Variants in CACNA1I observed in about 807,000 individuals in gnomAD.
The protein encoded by CACNA1I is calcium voltage-gated channel subunit alpha1 I.
In CACNA1I, 74 loss-of-function variants were observed where a neutral mutation model predicts 201.6. The observed-to-expected ratio is 0.37, with a 90% CI of 0.30 to 0.45. The LOEUF (loss-of-function observed/expected upper bound fraction) is 0.45. CACNA1I is among the 20% of genes least tolerant of loss of function. The probability of loss-of-function intolerance (pLI) is 1.00; values close to 1 mark genes in which losing one functional copy is unlikely to be tolerated. For missense variants in CACNA1I, 2,346 were observed against 3,138.1 expected, an observed-to-expected ratio of 0.75 and a Z score of 6.03; for synonymous variants, 1,431 against 1,345.2, an observed-to-expected ratio of 1.06 and a Z score of -1.40.
chr22:39,619,040 C>T (rs374064361), intron 3 of CACNA1I, among the ~76,000 whole-genome samples: 8 of 152,296 alleles, frequency 5.3e-5, no homozygotes, highest in African/African-American at 9.6e-5. Flanking sequence ...CCTGGCACAG[C>T]GCTGGGCACA....
chr22:39,580,988 C>T (rs1932529083), intron 1 of CACNA1I, among the ~76,000 whole-genome samples: 1 of 152,188 alleles, frequency 6.6e-6, no homozygotes, highest in Non-Finnish European at 1.5e-5. Flanking sequence ...GGCCTGGGCA[C>T]CCGGTGGTGA....
chr22:39,621,915 G>T (rs1933755424), intron 4 of CACNA1I, among the ~76,000 whole-genome samples: 1 of 152,140 alleles, frequency 6.6e-6, no homozygotes, highest in African/African-American at 2.4e-5. Context: ...ATCCCAGAGG[G>T]CTCCTTGAAG....
intron 29 of CACNA1I, 127 bp downstream of exon 29, chr22:39,674,160 G>A: frequency 2.4e-6 from 2 of 850,314 alleles, no homozygotes; most frequent in Non-Finnish European, 3.7e-6. Flanking sequence ...TGTCTCTGGG[G>A]ATGCATTTTG....
At chr22:39,585,132 T>C (rs1932699263) in intron 1 of CACNA1I, among the ~76,000 whole-genome samples, 1 of 152,228 alleles carries the variant, frequency 6.6e-6, no homozygotes, top group African/African-American at 2.4e-5. Flanking sequence ...CAATCTCGGC[T>C]CACCGCAACC....
At chr22:39,618,358 TGTG>T (rs1569064455) in intron 3 of CACNA1I, among the ~76,000 whole-genome samples, 1 of 151,084 alleles carries the variant, frequency 6.6e-6, no homozygotes. Context: ...GGTGTGTGGT[TGTG>T]TGCGTGTGTG....
At chr22:39,580,380 A>G (rs1932508446) in intron 1 of CACNA1I, among the ~76,000 whole-genome samples, 1 of 152,202 alleles carries the variant, frequency 6.6e-6, no homozygotes, top group African/African-American at 2.4e-5. Flanking sequence ...TTCACTGACC[A>G]GCAGGGTGGG....
At chr22:39,615,730 C>T (rs577349053) in intron 3 of CACNA1I, among the ~76,000 whole-genome samples, 28 of 152,306 alleles carry the variant, frequency 1.8e-4, no homozygotes, top group African/African-American at 6.5e-4. Flanking sequence ...TTCTTCTTCA[C>T]TGAATGCATT....
chr22:39,636,491 T>C (rs531613893), intron 5 of CACNA1I, among the ~76,000 whole-genome samples: 12 of 152,318 alleles, frequency 7.9e-5, no homozygotes, highest in Non-Finnish European at 1.8e-4. Context: ...ACATGCCCTA[T>C]TGGGCTGGGG....
At chr22:39,680,523 C>G (rs1322423683) in intron 33 of CACNA1I, among the ~76,000 whole-genome samples, 3 of 152,234 alleles carry the variant, frequency 2.0e-5, no homozygotes, top group Non-Finnish European at 4.4e-5. Flanking sequence ...TCCGGTGTCT[C>G]TGGGCCCCGC....
At chr22:39,572,996 C>A (rs372245167) in intron 1 of CACNA1I, among the ~76,000 whole-genome samples, 2 of 152,048 alleles carry the variant, frequency 1.3e-5, no homozygotes, top group East Asian at 3.9e-4. Context: ...ACTCGTGAAC[C>A]GCCTGCCTCG....
chr22:39,623,522 A>G (rs1933811108), intron 4 of CACNA1I, among the ~76,000 whole-genome samples: 1 of 146,364 alleles, frequency 6.8e-6, no homozygotes, highest in African/African-American at 2.6e-5. Flanking sequence ...GAATATGTTC[A>G]TGCCTGAGCA....
chr22:39,642,383 C>T (rs1934372490), intron 6 of CACNA1I, among the ~76,000 whole-genome samples: 2 of 152,008 alleles, frequency 1.3e-5, no homozygotes, highest in Non-Finnish European at 2.9e-5. Flanking sequence ...GCGGTGTGCA[C>T]TCCCAGGCTC....
intron 4 of CACNA1I, among the ~76,000 whole-genome samples, chr22:39,622,695 G>T (rs1344102370): frequency 6.6e-6 from 1 of 151,410 alleles, no homozygotes; most frequent in Non-Finnish European, 1.5e-5. Flanking sequence ...AGGGGTGGGG[G>T]TGGGATGCAG....
intron 4 of CACNA1I, among the ~76,000 whole-genome samples, chr22:39,627,139 T>G (rs1034989126): frequency 7.2e-5 from 11 of 152,196 alleles, no homozygotes; most frequent in African/African-American, 2.7e-4. Flanking sequence ...CCGTCCCCAG[T>G]GTCTGCAGGA....
Position 39,665,068 on chromosome 22 carries a change from G to A in CACNA1I, c.3851+145G>A. ...TGCCAAACACCCTGAGCTGTTCCCG[G>A]GGGAGGGGTCTGCAGACCCTGGGGG... On this transcript the variant is annotated intron_variant, in intron 21 of 36. Transcript: ENST00000402142. This position sits in a 1 kb window ranked among gnomAD's most constrained non-coding sequence, Gnocchi z 5.5. 1.3e-6 allele frequency: 1 copy of A among 783,334 alleles called. No homozygotes were observed. The highest frequency in any genetic ancestry group is 1.7e-5 in the South Asian group (1 of 57,650). 48.5% of individuals were successfully genotyped at this position (783,334 alleles called of 1,614,324 possible).
rs558818370 is a variant in CACNA1I, at chr22:39,663,688, G to A, written c.3474-30G>A. On this transcript the variant is annotated intron_variant, in intron 18 of 36. Coordinates refer to ENST00000402142, the MANE Select transcript of CACNA1I (RefSeq NM_021096.4). ...CTGGCCAGGGTGGGAGGCAGCTGAC[G>A]CTCAGGCAGCCCCCGCCCACCCTGC... 40 of 1,611,878 alleles carry A rather than the reference G, an allele frequency of 2.5e-5. No individual in the cohort carries two copies. The East Asian group carries it at 4.7e-4, about 19-fold the overall frequency.
intron 4 of CACNA1I, among the ~76,000 whole-genome samples, chr22:39,625,345 T>G (rs1933868823): frequency 6.6e-6 from 1 of 152,152 alleles, no homozygotes; most frequent in South Asian, 2.1e-4. Context: ...GCCTGCGGTT[T>G]AAAAATACAG....
Position 39,677,409 on chromosome 22 carries a change from T to A in CACNA1I, c.4923T>A (p.Phe1641Leu). ...ATGCTGCTCTCGGGGTGGAGCTCTT[T>A]GGGAAGCTGGGTGAGTGACTCCCAG... ...FIYAALGVEL[F>L]GKLVCNDENP... Residue 1641 changes from phenylalanine (F) to leucine (L), a missense_variant, in exon 30 of 37, where the codon TTT becomes TTA. Phe to Leu is a conservative substitution (Grantham distance 22, BLOSUM62 0). Transcript: ENST00000402142. The surrounding 1 kb of genome is among the most constrained non-coding windows in gnomAD (Gnocchi z 4.8). The A allele has an allele frequency of 6.3e-7, 1 of 1,577,974 alleles. No individual in the cohort carries two copies. Among genetic ancestry groups the A allele is most frequent in the Non-Finnish European group, 8.6e-7 (1 of 1,163,884 alleles).
At chr22:39,641,534 T>C (rs1934351010) in intron 6 of CACNA1I, among the ~76,000 whole-genome samples, 1 of 152,118 alleles carries the variant, frequency 6.6e-6, no homozygotes, top group Admixed American at 6.5e-5. Flanking sequence ...ATTCAAGCTC[T>C]GTTGGAGGGA....
Sources: allele counts gnomAD v4.1 joint callset (sites outside exome capture counted in the v4.1 genomes callset), GRCh38; gene constraint gnomAD v4.1.1; non-coding constraint Gnocchi (gnomAD v3.1); transcripts MANE v1.5; gene names NCBI Gene and HGNC (gene_info 2026-07-23, HGNC 2026-07-21).